Variants in RSF1 observed in about 807,000 individuals in gnomAD.
RSF1 encodes the protein remodeling and spacing factor 1, also known as HBV pX-associated protein 8.
A neutral mutation model predicts 145.2 loss-of-function variants in RSF1; 13 were observed. That is an observed-to-expected ratio of 0.09 (90% CI 0.06 to 0.14). The LOEUF (loss-of-function observed/expected upper bound fraction) is 0.14. RSF1 is among the 10% of genes least tolerant of loss of function. RSF1 has a pLI of 1.00. For synonymous variants in RSF1, 577 were observed against 592.6 expected, an observed-to-expected ratio of 0.97 and a Z score of 0.38; for missense variants, 1,517 against 1,718.2, an observed-to-expected ratio of 0.88 and a Z score of 2.07.
Position 77,700,854 on chromosome 11 carries a change from C to T in RSF1, c.2375G>A (p.Arg792Lys). ...SRPTAKVAEI[R>K]DQKADKKRGE... ...TCTTTTTTTATCAGCTTTCTGATCT[C>T]TGATCTCAGCCACTTTTGCAGTGGG... is the stretch of plus-strand genomic sequence containing the variant. The change falls in exon 6 of 16, where the codon AGA becomes AAA. Residue 792 changes from arginine to lysine, a missense_variant. Transcript: ENST00000308488. The T allele has an allele frequency of 6.2e-7, 1 of 1,613,730 alleles. No individual in the cohort carries two copies. The highest frequency in any genetic ancestry group is 8.5e-7 in the Non-Finnish European group (1 of 1,180,006).
At chr11:77,675,330 A>T in intron 13 of RSF1, 74 bp from the exon 14 acceptor site, 1 of 1,164,184 alleles carries the variant, frequency 8.6e-7, no homozygotes, top group South Asian at 1.5e-5. Context: ...TCTGAGTTCA[A>T]ATTCTGGTGA....
At chr11:77,669,445 A>C (rs1959461309) in intron 15 of RSF1, among the ~76,000 whole-genome samples, 1 of 152,238 alleles carries the variant, frequency 6.6e-6, no homozygotes, top group Non-Finnish European at 1.5e-5. Context: ...GCTTTGGCCC[A>C]AATGTTTCTC....
chr11:77,713,799 ACTCTT>A (rs983712583), intron 5 of RSF1, among the ~76,000 whole-genome samples: 3 of 151,824 alleles, frequency 2.0e-5, no homozygotes, highest in African/African-American at 4.8e-5. Context: ...TAAAATTTTA[ACTCTT>A]CTGAGTCCTA....
At chr11:77,812,688 G>A (rs1479647131) in intron 1 of RSF1, among the ~76,000 whole-genome samples, 1 of 152,030 alleles carries the variant, frequency 6.6e-6, no homozygotes, top group Non-Finnish European at 1.5e-5. Context: ...GAGTTTTTGA[G>A]ACCAGCCTGG....
chr11:77,809,041 TAA>T (rs964496208), intron 1 of RSF1, among the ~76,000 whole-genome samples: 1 of 152,168 alleles, frequency 6.6e-6, no homozygotes, highest in African/African-American at 2.4e-5. Context: ...AAACACTGGT[TAA>T]GAGTTGGGCT....
At chr11:77,736,001 T>C (rs1961342442) in intron 4 of RSF1, among the ~76,000 whole-genome samples, 1 of 152,224 alleles carries the variant, frequency 6.6e-6, no homozygotes, top group South Asian at 2.1e-4. Context: ...CCTCCCAAAG[T>C]GCTGGGATTA....
chr11:77,868,698 GT>G, the RSF1 span: 1 of 193,688 alleles, frequency 5.2e-6, no homozygotes. Context: ...TGTTGTTGTT[GT>G]TTTTTAACAC....
chr11:77,820,472 G>T, intron 1 of RSF1, 56 bp downstream of exon 1: 5 of 1,509,856 alleles, frequency 3.3e-6, no homozygotes, highest in Non-Finnish European at 4.5e-6. Context: ...GTGAAGAGCG[G>T]AGAGTAGCAG....
the RSF1 span, among the ~76,000 whole-genome samples, chr11:77,860,118 A>G: frequency 1.3e-5 from 2 of 152,186 alleles, no homozygotes; most frequent in Non-Finnish European, 2.9e-5. Context: ...TCCTAGAGCT[A>G]TCCCTGTTTT....
At chr11:77,864,718 C>T in the RSF1 span, among the ~76,000 whole-genome samples, 1 of 152,154 alleles carries the variant, frequency 6.6e-6, no homozygotes, top group Non-Finnish European at 1.5e-5. Flanking sequence ...GTGGCTCACA[C>T]CTGTAATCTC....
intron 1 of RSF1, among the ~76,000 whole-genome samples, chr11:77,788,488 A>C (rs60186049): frequency 0.2 from 25,194 of 127,014 alleles, 2,785 homozygotes; most frequent in African/African-American, 0.31. Flanking sequence ...AAAGGTAGAG[A>C]AGACAGGTTA....
intron 2 of RSF1, 54 bp from the exon 3 acceptor site, chr11:77,747,182 G>T (rs2135918486): frequency 9.0e-7 from 1 of 1,110,650 alleles, no homozygotes; most frequent in Non-Finnish European, 1.4e-6. Context: ...ATTTATGTTT[G>T]CAGGCTTGTA....
intron 9 of RSF1, among the ~76,000 whole-genome samples, chr11:77,687,445 G>C (rs772751833): frequency 3.9e-5 from 6 of 152,038 alleles, no homozygotes; most frequent in Non-Finnish European, 7.4e-5. Context: ...CATAATTTTG[G>C]GAGGCCAAGG....
chr11:77,667,504 G>A lies in RSF1; in HGVS notation c.3752-13C>T, dbSNP rs774751004. On this transcript the variant is annotated splice_polypyrimidine_tract_variant and intron_variant, in intron 15 of 15. Coordinates refer to ENST00000308488, the MANE Select transcript of RSF1 (RefSeq NM_016578.4). ...GACAAATAGCTCTCTAGAATAAACAGCACATTTAAGCCATTGGCACGGTTA... is the reference window on the plus strand; with the variant it reads ...GACAAATAGCTCTCTAGAATAAACAACACATTTAAGCCATTGGCACGGTTA... The A allele has an allele frequency of 1.3e-6, 2 of 1,592,848 alleles. No individual in the cohort carries two copies. The highest frequency in any genetic ancestry group is 1.7e-6 in the Non-Finnish European group (2 of 1,169,980).
chr11:77,775,493 G>A (rs1270220856), intron 1 of RSF1, among the ~76,000 whole-genome samples: 1 of 152,178 alleles, frequency 6.6e-6, no homozygotes, highest in Non-Finnish European at 1.5e-5. Context: ...AGGGAAAGGA[G>A]AATGCTCCCA....
At chr11:77,870,105 T>C in the RSF1 span, 1 of 172,910 alleles carries the variant, frequency 5.8e-6, no homozygotes, top group East Asian at 1.5e-4. Flanking sequence ...ATCCTCATAG[T>C]ATATTTTATA....
chr11:77,766,762 C>T (rs1307502850), intron 1 of RSF1, among the ~76,000 whole-genome samples: 1 of 152,160 alleles, frequency 6.6e-6, no homozygotes, highest in African/African-American at 2.4e-5. Flanking sequence ...GAGTCTGTTG[C>T]ATTTTAGAAG....
the RSF1 span, among the ~76,000 whole-genome samples, chr11:77,834,247 A>G: frequency 6.6e-6 from 1 of 152,196 alleles, no homozygotes; most frequent in Admixed American, 6.5e-5. Flanking sequence ...TAGGGAAGCA[A>G]TGGTTGCATT....
At position 77,693,764 on chromosome 11, in the gene RSF1, CATTTATTT is replaced by C. The variant is rs149549639; in HGVS notation, c.2716-161_2716-154del. On this transcript the variant is annotated intron_variant, in intron 7 of 15. Coordinates refer to ENST00000308488, the MANE Select transcript of RSF1 (RefSeq NM_016578.4). ...AAAGCTCTGATGATTAGGGATCTGA[CATTTATTT>C]ATTTATTTATTTATTTATTTATTTA... 6.2e-3 allele frequency among the ~76,000 whole-genome samples: 916 copies of C among 146,654 alleles called. 11 individuals carry two copies. The highest frequency in any genetic ancestry group is 0.018 in the African/African-American group (733 of 40,066).
Sources: gnomAD v4.1 joint callset for allele counts (sites outside exome capture counted in the v4.1 genomes callset) on GRCh38, gnomAD v4.1.1 for gene constraint, MANE v1.5 for transcripts, NCBI Gene and HGNC (gene_info 2026-07-23, HGNC 2026-07-21) for gene names.